Variants in C12orf42 observed in about 807,000 individuals in gnomAD.
C12orf42 encodes uncharacterized protein C12orf42.
C12orf42 carries 25 observed loss-of-function variants against 21.6 expected under a neutral mutation model. The ratio of observed to expected loss-of-function variants is 1.16; its 90% CI spans 0.84 to 1.62. The LOEUF (loss-of-function observed/expected upper bound fraction) is 1.62, where lower values mean the gene tolerates loss of function less well. Ranked by LOEUF, C12orf42 falls within the 40% of genes most tolerant of loss-of-function variation. C12orf42 has a pLI of 0.00. For missense variants in C12orf42, 483 were observed against 459.3 expected (o/e 1.05, Z -0.47); for synonymous variants, 174 against 175.0 (o/e 0.99, Z 0.05).
the C12orf42 span, among the ~76,000 whole-genome samples, chr12:103,116,250 G>C: frequency 6.6e-6 from 1 of 151,768 alleles, no homozygotes; most frequent in Admixed American, 6.6e-5. Flanking sequence ...TATAATCCCA[G>C]CTACTCGGGA....
intron 5 of C12orf42, among the ~76,000 whole-genome samples, chr12:103,276,171 T>G (rs1410750302): frequency 6.6e-6 from 1 of 152,194 alleles, no homozygotes; most frequent in Non-Finnish European, 1.5e-5. Flanking sequence ...TTTTAATAAA[T>G]TTTAATGTCA....
chr12:103,168,422 C>T, the C12orf42 span: 7 of 221,140 alleles, frequency 3.2e-5, no homozygotes, highest in Non-Finnish European at 3.7e-5. Context: ...CCTGAGGTTG[C>T]ACATCAGGAT....
At chr12:103,123,026 A>G in the C12orf42 span, among the ~76,000 whole-genome samples, 16 of 152,196 alleles carry the variant, frequency 1.1e-4, no homozygotes, top group African/African-American at 3.6e-4. Context: ...GGCTGTTGGT[A>G]GTGAAGTCAT....
At chr12:103,092,869 A>G in the C12orf42 span, among the ~76,000 whole-genome samples, 415 of 152,324 alleles carry the variant, frequency 2.7e-3, 1 homozygote, top group Admixed American at 4.8e-3. Context: ...CGCTCTGTCC[A>G]GAAACACTTA....
At chr12:103,451,631 A>C (rs1208771951) in intron 2 of C12orf42, among the ~76,000 whole-genome samples, 1 of 152,062 alleles carries the variant, frequency 6.6e-6, no homozygotes, top group African/African-American at 2.4e-5. Context: ...TATTATCTAC[A>C]GTTTGGGGCA....
At chr12:103,246,467 T>C (rs2034014428) in intron 10 of C12orf42, among the ~76,000 whole-genome samples, 1 of 152,064 alleles carries the variant, frequency 6.6e-6, no homozygotes, top group Non-Finnish European at 1.5e-5. Context: ...TACCAAAATA[T>C]AGTCAAATGA....
chr12:103,048,773 C>T, the C12orf42 span, among the ~76,000 whole-genome samples: 2 of 152,174 alleles, frequency 1.3e-5, no homozygotes, highest in African/African-American at 4.8e-5. Flanking sequence ...AGCCTCCCCA[C>T]TTCTTTTAGT....
At chr12:103,223,816 G>C in the C12orf42 span, among the ~76,000 whole-genome samples, 1 of 152,208 alleles carries the variant, frequency 6.6e-6, no homozygotes, top group Admixed American at 6.5e-5. Context: ...GGACAGGCCT[G>C]AATTCTGAGA....
chr12:103,219,305 C>A, the C12orf42 span, among the ~76,000 whole-genome samples: 1 of 152,134 alleles, frequency 6.6e-6, no homozygotes, highest in African/African-American at 2.4e-5. Flanking sequence ...ACCATAAAAA[C>A]CCTAGAAGAA....
chr12:103,087,125 G>C, the C12orf42 span, among the ~76,000 whole-genome samples: 1 of 151,922 alleles, frequency 6.6e-6, no homozygotes, highest in Non-Finnish European at 1.5e-5. Context: ...GTAGGTACAC[G>C]TGCAGGTTTA....
At chr12:103,177,827 T>G in the C12orf42 span, among the ~76,000 whole-genome samples, 1 of 151,198 alleles carries the variant, frequency 6.6e-6, no homozygotes, top group East Asian at 1.9e-4. Context: ...CTCATCCCTT[T>G]TAATTTGTTT....
intron 4 of C12orf42, among the ~76,000 whole-genome samples, chr12:103,308,127 C>T (rs2038557680): frequency 1.3e-5 from 2 of 152,060 alleles, no homozygotes; most frequent in South Asian, 2.1e-4. Context: ...TCATATCTAC[C>T]TCTAGGAATA....
the C12orf42 span, among the ~76,000 whole-genome samples, chr12:103,141,242 G>A: frequency 0.58 from 87,534 of 151,896 alleles, 26,368 homozygotes; most frequent in East Asian, 0.81. Flanking sequence ...AATTAGAAAA[G>A]AAAAGAGAGA....
intron 4 of C12orf42, among the ~76,000 whole-genome samples, chr12:103,320,270 C>A (rs1170021441): frequency 6.6e-6 from 1 of 152,148 alleles, no homozygotes; most frequent in African/African-American, 2.4e-5. Context: ...AATAATCAGG[C>A]AACCCAATAG....
intron 4 of C12orf42, among the ~76,000 whole-genome samples, chr12:103,322,114 C>CGCGTGCGT (rs1384383251): frequency 1.1e-5 from 1 of 93,170 alleles, no homozygotes; most frequent in Non-Finnish European, 2.0e-5. Flanking sequence ...CGCGTGCGTG[C>CGCGTGCGT]GCGCGCGCGC....
chr12:103,201,101 T>C, the C12orf42 span, among the ~76,000 whole-genome samples: 1 of 152,218 alleles, frequency 6.6e-6, no homozygotes, highest in Non-Finnish European at 1.5e-5. Context: ...AGCTAATTTA[T>C]TCAATTTTTG....
At chr12:103,393,113 GTCCATTCTTGCA>G (rs373514025) in intron 3 of C12orf42, among the ~76,000 whole-genome samples, 27,926 of 151,966 alleles carry the variant, frequency 0.18, 3,016 homozygotes, top group East Asian at 0.35. Flanking sequence ...TTCTGTGTTA[GTCCATTCTTGCA>G]TTGCTATAAA....
chr12:103,233,556 T>A (rs1183515436), downstream of C12orf42, among the ~76,000 whole-genome samples: 2 of 152,324 alleles, frequency 1.3e-5, no homozygotes, highest in Middle Eastern at 3.4e-3. Flanking sequence ...AGATTTATAC[T>A]GAAGTACTTA....
intron 2 of C12orf42, among the ~76,000 whole-genome samples, chr12:103,474,204 G>A (rs1350879521): frequency 6.6e-6 from 1 of 152,012 alleles, no homozygotes; most frequent in East Asian, 1.9e-4. Flanking sequence ...GCTCTAGGAA[G>A]GCAGACACAA....
Sources: allele counts gnomAD v4.1 joint callset (sites outside exome capture counted in the v4.1 genomes callset), GRCh38; gene constraint gnomAD v4.1.1; transcripts MANE v1.5; gene names NCBI Gene and HGNC (gene_info 2026-07-23, HGNC 2026-07-21).